Variants in PLCH1 observed in about 807,000 individuals in gnomAD.
The protein encoded by PLCH1 is phospholipase C eta 1.
In PLCH1, 60 loss-of-function variants were observed where a neutral mutation model predicts 126.7. The observed-to-expected ratio is 0.47, with a 90% CI of 0.38 to 0.59. The LOEUF (loss-of-function observed/expected upper bound fraction) is 0.59, where lower values mean the gene tolerates loss of function less well. Among genes scored for constraint, PLCH1 ranks in the 20% least tolerant of loss-of-function variants. The pLI is 0.00. For missense variants in PLCH1, 1,723 were observed against 2,040.0 expected, an observed-to-expected ratio of 0.84 and a Z score of 2.99; for synonymous variants, 719 against 734.9, an observed-to-expected ratio of 0.98 and a Z score of 0.35.
At chr3:155,654,543 G>C (rs758504898) in intron 2 of PLCH1, among the ~76,000 whole-genome samples, 2 of 151,830 alleles carry the variant, frequency 1.3e-5, no homozygotes, top group African/African-American at 4.8e-5. Context: ...TTCCTCTCTC[G>C]GGCCTCTCCA....
chr3:155,591,922 T>A (rs2108634447), intron 4 of PLCH1, among the ~76,000 whole-genome samples: 1 of 152,068 alleles, frequency 6.6e-6, no homozygotes, highest in African/African-American at 2.4e-5. Flanking sequence ...CCGAGACTGG[T>A]CTCAAACTCC....
rs1426071773 is a variant in PLCH1, at chr3:155,554,105, G to A, written c.1161C>T (p.Thr387=). Residue 387 remains threonine, a synonymous_variant, in exon 9 of 23, where the codon ACC becomes ACT. Coordinates refer to ENST00000460012, the MANE Select transcript of PLCH1 (RefSeq NM_014996.4). ...TCTTCACAAAGGCATGCTTGTTGAT[G>A]GTCTCCACAACATCTCTGAAGAGAA... ...SKILFRDVVE[T]INKHAFVKNE... 18 of 1,613,868 alleles carry A rather than the reference G, an allele frequency of 1.1e-5. No homozygotes were observed. The highest frequency in any genetic ancestry group is 1.5e-5 in the Non-Finnish European group (18 of 1,179,834).
chr3:155,531,610 G>A (rs893110285), intron 10 of PLCH1, among the ~76,000 whole-genome samples: 3 of 152,212 alleles, frequency 2.0e-5, no homozygotes, highest in Admixed American at 6.5e-5. Flanking sequence ...GGGTGACAGA[G>A]TGATACTCCA....
intron 2 of PLCH1, among the ~76,000 whole-genome samples, chr3:155,608,519 C>A (rs1386948141): frequency 6.6e-6 from 1 of 152,178 alleles, no homozygotes; most frequent in Non-Finnish European, 1.5e-5. Context: ...AGGCCTGTCA[C>A]TGCTAGTTTC....
chr3:155,730,796 T>C (rs144371828), intron 1 of PLCH1, among the ~76,000 whole-genome samples: 1 of 152,106 alleles, frequency 6.6e-6, no homozygotes, highest in Admixed American at 6.5e-5. Context: ...GGAAGGACAG[T>C]TTTACATTAC....
At chr3:155,687,283 T>G (rs1024364697) in intron 2 of PLCH1, among the ~76,000 whole-genome samples, 10 of 152,186 alleles carry the variant, frequency 6.6e-5, no homozygotes, top group African/African-American at 2.4e-4. Context: ...TCCTCATTCA[T>G]AGTCGACTAG....
intron 1 of PLCH1, among the ~76,000 whole-genome samples, chr3:155,719,774 A>T (rs1024752304): frequency 3.3e-5 from 5 of 150,770 alleles, no homozygotes; most frequent in Non-Finnish European, 5.9e-5. Flanking sequence ...GCTGAGTAGT[A>T]TTCCATGGTA....
intron 2 of PLCH1, among the ~76,000 whole-genome samples, chr3:155,645,746 TA>T (rs992360779): frequency 1.1e-4 from 16 of 152,212 alleles, no homozygotes; most frequent in African/African-American, 2.9e-4. Flanking sequence ...AGAAGTTTTT[TA>T]AACTCACAGT....
At chr3:155,622,094 T>C (rs1213811352) in intron 2 of PLCH1, among the ~76,000 whole-genome samples, 5 of 151,926 alleles carry the variant, frequency 3.3e-5, no homozygotes, top group Admixed American at 3.3e-4. Context: ...CAGAACAGAG[T>C]GGGGGCCAAT....
chr3:155,453,706 A>AAATTTCTGATTAATAATTAGAAATTAAT lies in PLCH1; in HGVS notation c.2938+31622_2938+31649dup, dbSNP rs564838119. 4.8e-4 allele frequency among the ~76,000 whole-genome samples: 73 copies of AAATTTCTGATTAATAATTAGAAATTAAT among 151,842 alleles called. No homozygotes were observed. In the East Asian group the frequency reaches 0.011, roughly 23 times the overall value. On this transcript the variant is annotated intron_variant, in intron 21 of 21. Transcript: ENST00000494598. ...GACATGAGTTATTTTGTTTCTATAT[A>AAATTTCTGATTAATAATTAGAAATTAAT]AATTTCTGATTAATAATTAGAAATT...
At chr3:155,490,701 T>C in intron 19 of PLCH1, 83 bp downstream of exon 19, 1 of 745,290 alleles carries the variant, frequency 1.3e-6, no homozygotes, top group Non-Finnish European at 2.3e-6. Context: ...GATTTCTTGC[T>C]CTTCTACATA....
chr3:155,473,115 A>T (rs1307168768), intron 21 of PLCH1, among the ~76,000 whole-genome samples: 37 of 147,212 alleles, frequency 2.5e-4, no homozygotes, highest in African/African-American at 9.0e-4. Context: ...AGGGTATTCA[A>T]TTAGGAAAAG....
At chr3:155,578,249 T>TA (rs1730230045) in intron 6 of PLCH1, among the ~76,000 whole-genome samples, 1 of 152,264 alleles carries the variant, frequency 6.6e-6, no homozygotes, top group South Asian at 2.1e-4. Context: ...GTCTTACGGC[T>TA]AACATTGTTA....
intron 1 of PLCH1, among the ~76,000 whole-genome samples, chr3:155,734,443 G>C (rs1424525959): frequency 1.3e-5 from 2 of 152,134 alleles, no homozygotes; most frequent in African/African-American, 4.8e-5. Context: ...CTGGGCAACA[G>C]AGTGAGACCC....
intron 10 of PLCH1, among the ~76,000 whole-genome samples, chr3:155,545,504 T>C (rs528680917): frequency 0.023 from 3,400 of 149,374 alleles, 82 homozygotes; most frequent in African/African-American, 0.064. Flanking sequence ...TTCCAATCAA[T>C]AGAAAAAGAG....
At chr3:155,561,328 C>T (rs983127685) in intron 8 of PLCH1, among the ~76,000 whole-genome samples, 2 of 145,832 alleles carry the variant, frequency 1.4e-5, no homozygotes, top group East Asian at 2.1e-4. Context: ...GTTCCCCTTC[C>T]TGTGTCCATG....
intron 2 of PLCH1, among the ~76,000 whole-genome samples, chr3:155,652,062 C>T (rs1034873769): frequency 1.3e-5 from 2 of 152,216 alleles, no homozygotes; most frequent in African/African-American, 4.8e-5. Context: ...CTGTTCGAAT[C>T]ATCTGAAATG....
chr3:155,661,682 C>G (rs570495538), intron 2 of PLCH1, among the ~76,000 whole-genome samples: 62 of 152,266 alleles, frequency 4.1e-4, no homozygotes, highest in African/African-American at 1.4e-3. Context: ...GTCTCTCCCC[C>G]TTTCCTCTCT....
intron 14 of PLCH1, among the ~76,000 whole-genome samples, chr3:155,500,418 G>C (rs947443619): frequency 2.6e-5 from 4 of 152,132 alleles, no homozygotes. Context: ...CTCTTGTGAC[G>C]GTCTTTGTAT....
Sources: allele counts gnomAD v4.1 joint callset (sites outside exome capture counted in the v4.1 genomes callset), GRCh38; gene constraint gnomAD v4.1.1; transcripts MANE v1.5; gene names NCBI Gene and HGNC (gene_info 2026-07-23, HGNC 2026-07-21).